UBASH3B: variants seen among roughly 807,000 people sequenced by gnomAD.
The protein encoded by UBASH3B is ubiquitin associated and SH3 domain containing B.
In UBASH3B, 37 loss-of-function variants were observed where a neutral mutation model predicts 83.4. That is an observed-to-expected ratio of 0.44 (90% CI 0.34 to 0.58). UBASH3B has a LOEUF of 0.58. Among genes scored for constraint, UBASH3B ranks in the 20% least tolerant of loss-of-function variants. UBASH3B has a pLI of 0.01. For missense variants in UBASH3B, 657 were observed against 827.2 expected, an observed-to-expected ratio of 0.79 and a Z score of 2.52; for synonymous variants, 304 against 318.3, an observed-to-expected ratio of 0.96 and a Z score of 0.48.
intron 11 of UBASH3B, among the ~76,000 whole-genome samples, chr11:122,802,636 G>A (rs760765015): frequency 2.6e-5 from 4 of 151,964 alleles, no homozygotes; most frequent in Non-Finnish European, 4.4e-5. Context: ...ATAAGACCTC[G>A]GATAACCCCA....
intron 1 of UBASH3B, among the ~76,000 whole-genome samples, chr11:122,720,378 T>C (rs1860603765): frequency 6.6e-6 from 1 of 152,182 alleles, no homozygotes; most frequent in South Asian, 2.1e-4. Context: ...CTCTCTTGCT[T>C]GTATTATTGC....
chr11:122,700,389 C>T (rs1440301242), intron 1 of UBASH3B, among the ~76,000 whole-genome samples: 1 of 151,918 alleles, frequency 6.6e-6, no homozygotes, highest in Non-Finnish European at 1.5e-5. Flanking sequence ...TTAGTGGATA[C>T]AGTTAACAAT....
intron 10 of UBASH3B, among the ~76,000 whole-genome samples, chr11:122,799,299 T>TGGC (rs1358742582): frequency 1.3e-5 from 2 of 152,004 alleles, no homozygotes; most frequent in Admixed American, 6.6e-5. Context: ...GAGACCAGCC[T>TGGC]CAACATGGAG....
chr11:122,717,097 G>T (rs180674451), intron 1 of UBASH3B, among the ~76,000 whole-genome samples: 148 of 152,230 alleles, frequency 9.7e-4, no homozygotes, highest in Admixed American at 8.3e-3. Context: ...ATTCTCAGGG[G>T]GTTCCCTCAA....
At chr11:122,779,130 CT>C (rs1237879294) in intron 3 of UBASH3B, among the ~76,000 whole-genome samples, 1 of 152,162 alleles carries the variant, frequency 6.6e-6, no homozygotes, top group Non-Finnish European at 1.5e-5. Context: ...TACAATAGGT[CT>C]CTTGAACTTA....
chr11:122,745,945 C>T lies in UBASH3B; in HGVS notation c.162-30274C>T, dbSNP rs140855435. Among the ~76,000 whole-genome samples the T allele has an allele frequency of 4.2e-3, 647 of 152,336 alleles. 5 individuals carry two copies. The highest frequency in any genetic ancestry group is 0.015 in the African/African-American group (611 of 41,580). On this transcript the variant is annotated intron_variant, in intron 1 of 13. Transcript: ENST00000284273. ...TTTGCTCTGTGTTTGTTTTCTGTCT[C>T]AGCTGAGCTCCTTGAGGCCAGAGAC...
At chr11:122,680,261 C>T (rs1253840124) in intron 1 of UBASH3B, among the ~76,000 whole-genome samples, 1 of 152,226 alleles carries the variant, frequency 6.6e-6, no homozygotes, top group Non-Finnish European at 1.5e-5. Flanking sequence ...GTATCTTCAG[C>T]TTCAAATAAA....
chr11:122,801,246 A>C lies in UBASH3B; in HGVS notation c.1509A>C (p.Thr503=). 1 of 1,613,228 alleles carries C rather than the reference A, an allele frequency of 6.2e-7. No individual in the cohort carries two copies. Among genetic ancestry groups the C allele is most frequent in the Admixed American group, 1.7e-5 (1 of 59,948 alleles). ...TAGAGCCCGGCTTATTTGAGTGGAC[A>C]AAATGGGTTGCTGGGAGCACATTAC... ...IRVEPGLFEW[T]KWVAGSTLPA... Residue 503 remains threonine, a synonymous_variant, in exon 11 of 14, where the codon ACA becomes ACC. Coordinates refer to ENST00000284273, the MANE Select transcript of UBASH3B (RefSeq NM_032873.5).
At chr11:122,664,605 G>A (rs555197874) in intron 1 of UBASH3B, among the ~76,000 whole-genome samples, 9 of 151,798 alleles carry the variant, frequency 5.9e-5, no homozygotes, top group African/African-American at 1.5e-4. Context: ...CCCTCTGCCC[G>A]GGGCCCTCGG....
At chr11:122,765,864 A>G (rs1258618395) in intron 1 of UBASH3B, among the ~76,000 whole-genome samples, 1 of 152,140 alleles carries the variant, frequency 6.6e-6, no homozygotes, top group East Asian at 1.9e-4. Context: ...ACACAGCTTC[A>G]TGTAACATAG....
At chr11:122,750,271 C>T (rs1227809681) in intron 1 of UBASH3B, among the ~76,000 whole-genome samples, 3 of 152,190 alleles carry the variant, frequency 2.0e-5, no homozygotes, top group Non-Finnish European at 4.4e-5. Context: ...AGGGCCCCCC[C>T]ACCTTTCTTC....
intron 1 of UBASH3B, among the ~76,000 whole-genome samples, chr11:122,705,314 C>T (rs1397644837): frequency 6.6e-6 from 1 of 152,002 alleles, no homozygotes. Context: ...GGTGTGGTGG[C>T]ATGTGCCTGT....
intron 1 of UBASH3B, among the ~76,000 whole-genome samples, chr11:122,676,869 A>C (rs1863674566): frequency 6.6e-6 from 1 of 151,786 alleles, no homozygotes; most frequent in Admixed American, 6.6e-5. Context: ...CTTCTGTGTG[A>C]CTCAGCCACC....
At chr11:122,712,408 T>G (rs1302870019) in intron 1 of UBASH3B, among the ~76,000 whole-genome samples, 1 of 152,090 alleles carries the variant, frequency 6.6e-6, no homozygotes, top group Admixed American at 6.5e-5. Flanking sequence ...CAGGGTGGAC[T>G]TGGATGCTTC....
chr11:122,718,357 G>T (rs1282406606), intron 1 of UBASH3B, among the ~76,000 whole-genome samples: 1 of 152,144 alleles, frequency 6.6e-6, no homozygotes, highest in African/African-American at 2.4e-5. Flanking sequence ...CAGATTCCTT[G>T]CAAGTCACTA....
intron 9 of UBASH3B, 58 bp from the exon 10 acceptor site, chr11:122,798,884 G>T: frequency 6.8e-7 from 1 of 1,476,074 alleles, no homozygotes; most frequent in Non-Finnish European, 9.5e-7. Flanking sequence ...TCACACTGCG[G>T]GTCAAGGTGA....
chr11:122,717,910 C>A lies in UBASH3B; in HGVS notation c.162-58309C>A, dbSNP rs541264109. On this transcript the variant is annotated intron_variant, in intron 1 of 13. Coordinates refer to ENST00000284273, the MANE Select transcript of UBASH3B (RefSeq NM_032873.5). ...ATTTCTCACCCAAGTTTCTTTCTTT[C>A]TTTTTTTTTTTTTCGGACAAGTCTC... Among the ~76,000 whole-genome samples, 4 of 144,634 alleles carry A rather than the reference C, an allele frequency of 2.8e-5. No individual in the cohort carries two copies. In the East Asian group the frequency reaches 8.2e-4, roughly 30 times the overall value. The allele number at this position is 144,634 out of a possible 152,430, so 94.9% of individuals were successfully genotyped here. A position where few individuals can be genotyped will look rare whatever the true frequency, so the allele number is the denominator to read the frequency against.
intron 1 of UBASH3B, among the ~76,000 whole-genome samples, chr11:122,690,169 T>TATATAC (rs1863864954): frequency 4.9e-5 from 1 of 20,516 alleles, no homozygotes; most frequent in Non-Finnish European, 1.2e-4. Flanking sequence ...CAGGAAAACA[T>TATATAC]ATATATATAT....
intron 1 of UBASH3B, among the ~76,000 whole-genome samples, chr11:122,755,365 C>T (rs1329135138): frequency 6.6e-6 from 1 of 152,126 alleles, no homozygotes; most frequent in Non-Finnish European, 1.5e-5. Context: ...GGCTTATAGC[C>T]TTCTGTGGAA....
Sources: allele counts gnomAD v4.1 joint callset (sites outside exome capture counted in the v4.1 genomes callset), GRCh38; gene constraint gnomAD v4.1.1; transcripts MANE v1.5; gene names NCBI Gene and HGNC (gene_info 2026-07-23, HGNC 2026-07-21).